The following KLHL36 variants were observed in gnomAD, a reference collection of about 807,000 sequenced individuals.
KLHL36 encodes the protein kelch like family member 36.
In KLHL36, 35 loss-of-function variants were observed where a neutral mutation model predicts 53.3. That is an observed-to-expected ratio of 0.66 (90% CI 0.50 to 0.87). KLHL36 has a LOEUF of 0.87. Ranked by LOEUF, KLHL36 falls within the 40% of genes least tolerant of loss-of-function variation. The pLI is 0.00. For synonymous variants in KLHL36, 472 were observed against 398.9 expected (o/e 1.18, Z -2.18); for missense variants, 864 against 897.6 (o/e 0.96, Z 0.48).
chr16:84,659,782 G>T lies in KLHL36; in HGVS notation c.1160G>T (p.Arg387Leu). 1 of 1,614,142 alleles carries T rather than the reference G, an allele frequency of 6.2e-7. No individual in the cohort carries two copies. The highest frequency in any genetic ancestry group is 8.5e-7 in the Non-Finnish European group (1 of 1,180,012). Residue 387 changes from arginine (R) to leucine (L), a missense_variant, in exon 4 of 5, where the codon CGT (arginine) becomes CTT (leucine). Arg to Leu is a moderately radical substitution (Grantham distance 102). Coordinates refer to ENST00000564996, the MANE Select transcript of KLHL36 (RefSeq NM_024731.4). Reference sequence around the variant, plus strand: ...CAGGTGGCCTCCATGAACCAGCGCCGTGTGGATTTCTACCTTGCCTCCATC... The same window carrying T: ...CAGGTGGCCTCCATGAACCAGCGCCTTGTGGATTTCTACCTTGCCTCCATC... Reference protein sequence around the residue: ...WIKVASMNQRRVDFYLASIED... With the variant: ...WIKVASMNQRLVDFYLASIED...
intron 1 of KLHL36, 51 bp from the exon 2 acceptor site, chr16:84,650,797 TAATG>T: frequency 7.6e-7 from 1 of 1,313,714 alleles, no homozygotes; most frequent in Non-Finnish European, 1.1e-6. Flanking sequence ...GGCCTGAAAT[TAATG>T]AATGACCTAG....
At chr16:84,651,883 AG>A (rs945822879) in intron 2 of KLHL36, among the ~76,000 whole-genome samples, 25 of 152,218 alleles carry the variant, frequency 1.6e-4, no homozygotes, top group African/African-American at 4.3e-4. Context: ...TAATGAAAAA[AG>A]ATACAGAAAC....
intron 1 of KLHL36, among the ~76,000 whole-genome samples, chr16:84,649,919 C>T (rs1398580541): frequency 6.6e-6 from 1 of 152,142 alleles, no homozygotes; most frequent in Non-Finnish European, 1.5e-5. Flanking sequence ...TGGCAAAGTC[C>T]CTTCTCTGTG....
At position 84,661,682 on chromosome 16, in the gene KLHL36, A is replaced by G. The variant is rs1285858969; in HGVS notation, c.1400A>G (p.Asp467Gly). The change falls in exon 5 of 5, where the codon GAC becomes GGC. Residue 467 changes from aspartate to glycine, a missense_variant. Coordinates refer to ENST00000564996, the MANE Select transcript of KLHL36 (RefSeq NM_024731.4). This position sits in a 1 kb window ranked among gnomAD's most constrained non-coding sequence, Gnocchi z 7.9. Reference protein sequence around the residue: ...GPYRKNLLCYDHRTDVWEERR... With the variant: ...GPYRKNLLCYGHRTDVWEERR... ...TACCGCAAGAACCTGCTATGCTACG[A>G]CCACCGGACAGACGTGTGGGAGGAG... is the stretch of plus-strand genomic sequence containing the variant. 39 of 1,613,224 alleles carry G rather than the reference A, an allele frequency of 2.4e-5. No individual in the cohort carries two copies. Among genetic ancestry groups the G allele is most frequent in the Non-Finnish European group, 3.1e-5 (37 of 1,179,902 alleles).
At position 84,657,831 on chromosome 16, in the gene KLHL36, G is replaced by C. The variant is rs1295702134; in HGVS notation, c.1024G>C (p.Val342Leu). 6.2e-7 allele frequency: 1 copy of C among 1,601,434 alleles called. No homozygotes were observed. The change falls in exon 3 of 5, where the codon GTG becomes CTG. Residue 342 changes from valine to leucine, a missense_variant. Physicochemically the swap from Val to Leu is conservative, Grantham distance 32. Coordinates refer to ENST00000564996, the MANE Select transcript of KLHL36 (RefSeq NM_024731.4). Reference sequence around the variant, plus strand: ...CCGGCGGAGCCACCACTGTGTCGCGGTGCTGGGGGGCTTCATCTTCATCGC... The same window carrying C: ...CCGGCGGAGCCACCACTGTGTCGCGCTGCTGGGGGGCTTCATCTTCATCGC... Reference protein sequence around the residue: ...PARRSHHCVAVLGGFIFIAGG... With the variant: ...PARRSHHCVALLGGFIFIAGG...
chr16:84,650,158 A>T (rs967703421), intron 1 of KLHL36, among the ~76,000 whole-genome samples: 1 of 152,164 alleles, frequency 6.6e-6, no homozygotes, highest in Non-Finnish European at 1.5e-5. Flanking sequence ...CTCCAGTCAC[A>T]GTGCTGGCCT....
At chr16:84,651,706 G>T (rs1032756005) in intron 2 of KLHL36, among the ~76,000 whole-genome samples, 1 of 152,114 alleles carries the variant, frequency 6.6e-6, no homozygotes, top group Non-Finnish European at 1.5e-5. Flanking sequence ...GCCCTGAAGT[G>T]GGAGAAAATT....
chr16:84,652,021 A>T (rs1158576966), intron 2 of KLHL36, among the ~76,000 whole-genome samples: 2 of 151,692 alleles, frequency 1.3e-5, no homozygotes, highest in Admixed American at 6.6e-5. Context: ...TTGAGATATG[A>T]CCTCCTGTTC....
chr16:84,662,144 G>A lies in KLHL36; in HGVS notation c.*11G>A, dbSNP rs1032206394. The A allele has an allele frequency of 7.3e-6, 11 of 1,507,892 alleles. No individual in the cohort carries two copies. The highest frequency in any genetic ancestry group is 1.4e-5 in the African/African-American group (1 of 73,254). The allele number at this position is 1,507,892 out of a possible 1,614,324, so 93.4% of individuals were successfully genotyped here. On this transcript the variant is annotated 3_prime_UTR_variant, in exon 5 of 5. Coordinates refer to ENST00000564996, the MANE Select transcript of KLHL36 (RefSeq NM_024731.4). ...GACCGGGGCCAGTGACCCTAGCTGC[G>A]CCTCTTGGGACCATCCTCACCGTCA...
At chr16:84,651,497 C>T (rs1032373063) in intron 2 of KLHL36, among the ~76,000 whole-genome samples, 2 of 152,182 alleles carry the variant, frequency 1.3e-5, no homozygotes, top group African/African-American at 2.4e-5. Flanking sequence ...GAGCCAGACC[C>T]GGCTGCTATA....
chr16:84,650,131 T>G (rs994465014), intron 1 of KLHL36, among the ~76,000 whole-genome samples: 4 of 152,148 alleles, frequency 2.6e-5, no homozygotes, highest in Admixed American at 2.6e-4. Context: ...TTATTTCACC[T>G]CACTGCTCTC....
rs760974136 is a variant in KLHL36, at chr16:84,659,802, T to G, written c.1180T>G (p.Ser394Ala). ...GCGCCGTGTGGATTTCTACCTTGCC[T>G]CCATCGAAGACATGCTGGTGGCCAT... The part of the protein sequence containing the change: ...NQRRVDFYLA[S>A]IEDMLVAIGG... Residue 394 changes from serine to alanine, a missense_variant, in exon 4 of 5, where the codon TCC (serine) becomes GCC (alanine). Transcript: ENST00000564996. The G allele has an allele frequency of 1.1e-5, 17 of 1,614,016 alleles. No homozygotes were observed. The Admixed American group carries it at 2.5e-4, about 24-fold the overall frequency.
chr16:84,659,960 T>C, intron 4 of KLHL36, 43 bp downstream of exon 4: 1 of 1,581,964 alleles, frequency 6.3e-7, no homozygotes, highest in Non-Finnish European at 8.7e-7. Flanking sequence ...TGGGATGTTT[T>C]TAAGGGACAT....
At position 84,657,863 on chromosome 16, in the gene KLHL36, C is replaced by T. The variant is rs1907317254; in HGVS notation, c.1056C>T (p.Gly352=). The change falls in exon 3 of 5, where the codon GGC becomes GGT. Residue 352 remains glycine, a synonymous_variant. Transcript: ENST00000564996. The stretch of plus-strand genomic sequence containing the variant: ...GGGGCTTCATCTTCATCGCCGGCGG[C>T]AGCTTCTCACGGGACAACGGAGGGG... The part of the protein sequence containing the change: ...VLGGFIFIAG[G]SFSRDNGGDA... 5.0e-6 allele frequency: 8 copies of T among 1,590,660 alleles called. No homozygotes were observed. Among genetic ancestry groups the T allele is most frequent in the Non-Finnish European group, 6.9e-6 (8 of 1,165,912 alleles).
In KLHL36 at chr16:84,657,896, C is replaced by G; in HGVS notation, c.1089C>G (p.Ala363=). The part of the protein sequence containing the change: ...SFSRDNGGDA[A]SNLLYRYDPR... ...CACGGGACAACGGAGGGGATGCGGC[C>G]TCCAATCTTCTTTATAGGTATGACC... is the stretch of plus-strand genomic sequence containing the variant. Residue 363 remains alanine (A), a synonymous_variant, in exon 3 of 5, where the codon GCC becomes GCG. Coordinates refer to ENST00000564996, the MANE Select transcript of KLHL36 (RefSeq NM_024731.4). 5 of 1,552,936 alleles carry G rather than the reference C, an allele frequency of 3.2e-6. No individual in the cohort carries two copies. Among genetic ancestry groups the G allele is most frequent in the Non-Finnish European group, 4.4e-6 (5 of 1,148,794 alleles).
chr16:84,661,896 G>C lies in KLHL36; in HGVS notation c.1614G>C (p.Glu538Asp), dbSNP rs1458965353. Reference protein sequence around the residue: ...RVAPLLHANSESGVAVWEGRI... With the variant: ...RVAPLLHANSDSGVAVWEGRI... The stretch of plus-strand genomic sequence containing the variant: ...CGCCGCTGCTGCACGCCAACAGCGA[G>C]TCGGGCGTGGCAGTGTGGGAGGGCC... The change falls in exon 5 of 5, where the codon GAG becomes GAC. Residue 538 changes from glutamate to aspartate, a missense_variant. Physicochemically the swap from Glu to Asp is conservative, Grantham distance 45 (BLOSUM62 2). Transcript: ENST00000564996. This position sits in a 1 kb window ranked among gnomAD's most constrained non-coding sequence, Gnocchi z 7.9. The C allele has an allele frequency of 6.3e-7, 1 of 1,599,326 alleles. No homozygotes were observed. The highest frequency in any genetic ancestry group is 2.3e-5 in the East Asian group (1 of 44,394).
chr16:84,653,726 G>C (rs757018091), intron 2 of KLHL36, among the ~76,000 whole-genome samples: 1 of 151,862 alleles, frequency 6.6e-6, no homozygotes, highest in South Asian at 2.1e-4. Context: ...GGTAGTCCCA[G>C]CTACTCAGGA....
intron 1 of KLHL36, among the ~76,000 whole-genome samples, chr16:84,649,597 C>T (rs2550412): frequency 0.51 from 76,838 of 149,912 alleles, 20,049 homozygotes; most frequent in East Asian, 0.84. Context: ...AGGGGAGGGC[C>T]GGGGTGGGAA....
At chr16:84,655,065 A>G (rs527469387) in intron 2 of KLHL36, among the ~76,000 whole-genome samples, 1 of 152,314 alleles carries the variant, frequency 6.6e-6, no homozygotes, top group East Asian at 1.9e-4. Flanking sequence ...ATAAATAGAG[A>G]TCTCCACGTG....
Sources: allele counts gnomAD v4.1 joint callset (sites outside exome capture counted in the v4.1 genomes callset), GRCh38; gene constraint gnomAD v4.1.1; non-coding constraint Gnocchi (gnomAD v3.1); transcripts MANE v1.5; gene names NCBI Gene and HGNC (gene_info 2026-07-23, HGNC 2026-07-21).